Variants in APOL3 observed in about 807,000 individuals in gnomAD.
APOL3 encodes apolipoprotein L3, also known as TNF-inducible protein CG12-1.
APOL3 carries 14 observed loss-of-function variants against 11.6 expected under a neutral mutation model. The observed-to-expected ratio is 1.21, with a 90% CI of 0.80 to 1.89. APOL3 has a LOEUF of 1.89. Ranked by LOEUF, APOL3 falls within the 40% of genes most tolerant of loss-of-function variation. The probability of loss-of-function intolerance (pLI) is 0.00; values close to 1 mark genes in which losing one functional copy is unlikely to be tolerated. For missense variants in APOL3, 483 were observed against 492.1 expected, an observed-to-expected ratio of 0.98 and a Z score of 0.17; for synonymous variants, 192 against 190.6, an observed-to-expected ratio of 1.01 and a Z score of -0.06.
chr22:36,155,913 G>T (rs1236376408), intron 1 of APOL3: 2 of 174,572 alleles, frequency 1.1e-5, no homozygotes, highest in Non-Finnish European at 2.7e-5. Flanking sequence ...AGGGACTTTA[G>T]TTCCTGGAGG....
upstream of APOL3, among the ~76,000 whole-genome samples, chr22:36,161,325 A>C (rs1351351504): frequency 3.3e-5 from 5 of 152,176 alleles, no homozygotes; most frequent in African/African-American, 9.7e-5. Flanking sequence ...AGCTGGGACT[A>C]CAAGCATGAG....
chr22:36,158,755 G>T (rs1603475856), intron 1 of APOL3, among the ~76,000 whole-genome samples: 2 of 152,028 alleles, frequency 1.3e-5, no homozygotes, highest in East Asian at 1.9e-4. Flanking sequence ...GAGGCGGAGG[G>T]TGCAGTGAGC....
chr22:36,149,784 A>G (rs2060362136), intron 1 of APOL3: 1 of 454,658 alleles, frequency 2.2e-6, no homozygotes, highest in South Asian at 1.6e-5. Context: ...CTTATTGTAA[A>G]TGACTCCTCA....
At chr22:36,156,460 G>A (rs779466253) in intron 1 of APOL3, among the ~76,000 whole-genome samples, 7 of 152,034 alleles carry the variant, frequency 4.6e-5, no homozygotes, top group Admixed American at 2.0e-4. Context: ...CTGGGCACAC[G>A]GGCTCCTACT....
upstream of APOL3, among the ~76,000 whole-genome samples, chr22:36,164,060 C>G (rs1487432053): frequency 1.3e-5 from 2 of 152,252 alleles, no homozygotes; most frequent in South Asian, 2.1e-4. Context: ...AATGCAGTAA[C>G]CAATATTTTT....
intron 1 of APOL3, among the ~76,000 whole-genome samples, chr22:36,158,321 A>G (rs2013232897): frequency 6.6e-6 from 1 of 152,180 alleles, no homozygotes; most frequent in South Asian, 2.1e-4. Flanking sequence ...ATCGTCAGCG[A>G]TACTCAGCAC....
At chr22:36,161,816 G>A (rs910058308), upstream of APOL3, among the ~76,000 whole-genome samples, 5 of 151,922 alleles carry the variant, frequency 3.3e-5, no homozygotes, top group African/African-American at 1.2e-4. Context: ...AGCTTTTCAA[G>A]CTCTCTGAGT....
intron 1 of APOL3, 67 bp downstream of exon 1, chr22:36,160,602 G>T: frequency 1.3e-6 from 2 of 1,525,440 alleles, no homozygotes; most frequent in South Asian, 2.2e-5. Flanking sequence ...AAAGGTGAAT[G>T]ACCCTTCTCT....
chr22:36,164,764 A>T (rs1217868427), upstream of APOL3: 1 of 152,200 alleles, frequency 6.6e-6, no homozygotes, highest in Non-Finnish European at 1.5e-5. Flanking sequence ...GGGCAAAATC[A>T]TTGCAAAAAA....
chr22:36,160,775 G>A lies in APOL3; in HGVS notation c.117C>T (p.Ser39=), dbSNP rs132653. The A allele has an allele frequency of 6.2e-7, 1 of 1,613,900 alleles. No individual in the cohort carries two copies. Among genetic ancestry groups the A allele is most frequent in the South Asian group, 1.1e-5 (1 of 91,076 alleles). The change falls in exon 1 of 3, where the codon AGC becomes AGT. Residue 39 remains serine, a synonymous_variant. Transcript: ENST00000349314. ...CATAATAACCAGACACGTTCTCCAGGCTCTGAGATATACCCTGGAACCCAA... is the reference window on the plus strand; with the variant it reads ...CATAATAACCAGACACGTTCTCCAGACTCTGAGATATACCCTGGAACCCAA...
intron 1 of APOL3, 91 bp from the exon 2 acceptor site, chr22:36,149,233 G>A (rs2060337211): frequency 2.2e-5 from 29 of 1,307,104 alleles, no homozygotes; most frequent in Non-Finnish European, 2.8e-5. Flanking sequence ...CAATCCCTTT[G>A]CGTGTCAGCA....
chr22:36,161,904 AGC>A (rs2013719736), upstream of APOL3, among the ~76,000 whole-genome samples: 1 of 152,168 alleles, frequency 6.6e-6, no homozygotes, highest in South Asian at 2.1e-4. Flanking sequence ...TTTGGTTCAC[AGC>A]AGGCTTGCAA....
chr22:36,146,823 G>C (rs1410802882), intron 1 of APOL3, among the ~76,000 whole-genome samples: 1 of 152,082 alleles, frequency 6.6e-6, no homozygotes, highest in Non-Finnish European at 1.5e-5. Flanking sequence ...TACACAGCAG[G>C]ATTACTGCCC....
intron 2 of APOL3, 77 bp from the exon 4 acceptor site, chr22:36,142,135 C>A: frequency 6.9e-7 from 1 of 1,452,956 alleles, no homozygotes; most frequent in Non-Finnish European, 9.2e-7. Context: ...ATCTGTTCTA[C>A]ATAAATCACA....
upstream of APOL3, chr22:36,161,536 G>A: frequency 6.5e-6 from 1 of 153,638 alleles, no homozygotes; most frequent in South Asian, 2.0e-4. Context: ...AGGAGCACCT[G>A]CTACCTTCAC....
intron 2 of APOL3, among the ~76,000 whole-genome samples, chr22:36,144,201 T>A (rs2060102952): frequency 6.6e-6 from 1 of 152,126 alleles, no homozygotes; most frequent in Non-Finnish European, 1.5e-5. Flanking sequence ...TGCAAGTCCA[T>A]GGCCACGTTA....
intron 1 of APOL3, among the ~76,000 whole-genome samples, chr22:36,152,169 G>A (rs1049466476): frequency 6.6e-6 from 1 of 152,170 alleles, no homozygotes; most frequent in African/African-American, 2.4e-5. Flanking sequence ...GCTCTGTAGG[G>A]AAAGGGGACT....
At chr22:36,152,408 C>T (rs1393915141) in intron 1 of APOL3, among the ~76,000 whole-genome samples, 1 of 152,136 alleles carries the variant, frequency 6.6e-6, no homozygotes, top group Non-Finnish European at 1.5e-5. Context: ...TAGAACAAAA[C>T]AGAACATTTA....
intron 1 of APOL3, among the ~76,000 whole-genome samples, chr22:36,158,314 G>T (rs1436369688): frequency 1.3e-5 from 2 of 152,108 alleles, no homozygotes; most frequent in African/African-American, 4.8e-5. Flanking sequence ...CTGGAGGATC[G>T]TCAGCGATAC....
Sources: gnomAD v4.1 joint callset for allele counts (sites outside exome capture counted in the v4.1 genomes callset) on GRCh38, gnomAD v4.1.1 for gene constraint, MANE v1.5 for transcripts, NCBI Gene and HGNC (gene_info 2026-07-23, HGNC 2026-07-21) for gene names.